The following PIGL variants were observed in gnomAD, a reference collection of about 807,000 sequenced individuals.
PIGL encodes the protein N-acetylglucosaminyl-phosphatidylinositol de-N-acetylase.
A neutral mutation model predicts 31.1 loss-of-function variants in PIGL; 22 were observed. That is an observed-to-expected ratio of 0.71 (90% CI 0.51 to 1.01). The LOEUF (loss-of-function observed/expected upper bound fraction) is 1.01. PIGL is among the 50% of genes least tolerant of loss of function. PIGL has a pLI of 0.00. For missense variants in PIGL, 302 were observed against 315.9 expected, an observed-to-expected ratio of 0.96 and a Z score of 0.33; for synonymous variants, 131 against 117.4, an observed-to-expected ratio of 1.12 and a Z score of -0.75.
chr17:16,290,819 C>T (rs2092957298), intron 2 of PIGL, among the ~76,000 whole-genome samples: 1 of 151,972 alleles, frequency 6.6e-6, no homozygotes. Flanking sequence ...TAGCTGGGAC[C>T]ACACACATGC....
At chr17:16,294,772 C>T (rs1304041877) in intron 2 of PIGL, among the ~76,000 whole-genome samples, 1 of 152,118 alleles carries the variant, frequency 6.6e-6, no homozygotes, top group African/African-American at 2.4e-5. Flanking sequence ...AGGGAAGAAC[C>T]AGGTATTTCC....
At position 16,320,935 on chromosome 17, in the gene PIGL, AT is replaced by A. The variant is rs34777606; in HGVS notation, c.660+3047del. On this transcript the variant is annotated intron_variant, in intron 6 of 6. Coordinates refer to ENST00000225609, the MANE Select transcript of PIGL (RefSeq NM_004278.4). The stretch of plus-strand genomic sequence containing the variant: ...CAGGCATGAGCCACTGTGCCTGGCC[AT>A]TTTTTTTTTTTTTTTTTTTGAGACA... 9.9e-3 allele frequency among the ~76,000 whole-genome samples: 892 copies of A among 89,990 alleles called. 11 individuals are homozygous for A. Among genetic ancestry groups the A allele is most frequent in the African/African-American group, 0.037 (775 of 20,856 alleles). The allele number at this position is 89,990 out of a possible 152,430, so 59.0% of individuals were successfully genotyped here.
intron 1 of PIGL, 136 bp downstream of exon 1, chr17:16,217,597 C>A: frequency 1.4e-6 from 1 of 695,552 alleles, no homozygotes; most frequent in South Asian, 1.9e-5. Context: ...CCTCTGAACC[C>A]CTCACAGCCT....
At chr17:16,319,378 G>T (rs2093093038) in intron 6 of PIGL, among the ~76,000 whole-genome samples, 2 of 152,062 alleles carry the variant, frequency 1.3e-5, no homozygotes, top group African/African-American at 4.8e-5. Flanking sequence ...ATTTTGATTT[G>T]CCACTTTATC....
At chr17:16,270,287 G>A (rs765116215) in intron 2 of PIGL, among the ~76,000 whole-genome samples, 5 of 22,366 alleles carry the variant, frequency 2.2e-4, no homozygotes, top group Non-Finnish European at 1.0e-3. Flanking sequence ...GAAACTCCAT[G>A]TCAAAAAAAA....
chr17:16,314,701 T>C (rs1219544135), intron 4 of PIGL, among the ~76,000 whole-genome samples: 1 of 152,210 alleles, frequency 6.6e-6, no homozygotes, highest in East Asian at 1.9e-4. Flanking sequence ...GCCACAGCTT[T>C]AGAAGAGACA....
chr17:16,299,252 C>T (rs1296194821), intron 2 of PIGL, among the ~76,000 whole-genome samples: 1 of 151,420 alleles, frequency 6.6e-6, no homozygotes, highest in Non-Finnish European at 1.5e-5. Context: ...GTCAGGAGTT[C>T]AAGACCAGGC....
At position 16,255,368 on chromosome 17, in the gene PIGL, A is replaced by G. The variant is rs1243677647; in HGVS notation, c.335+21298A>G. Among the ~76,000 whole-genome samples, 5 of 152,188 alleles carry G rather than the reference A, an allele frequency of 3.3e-5. No individual in the cohort carries two copies. The East Asian group carries it at 9.6e-4, about 29-fold the overall frequency. On this transcript the variant is annotated intron_variant, in intron 2 of 6. Transcript: ENST00000225609. The stretch of plus-strand genomic sequence containing the variant: ...GTCCTAAGGTTTCAGCACAATAAAA[A>G]TCTCGTTTCTCCCAGTGCTTGTCTT...
chr17:16,276,326 T>C (rs948860897), intron 2 of PIGL, among the ~76,000 whole-genome samples: 1 of 152,266 alleles, frequency 6.6e-6, no homozygotes, highest in African/African-American at 2.4e-5. Flanking sequence ...TCCAGATTTT[T>C]ACATTATCTA....
intron 6 of PIGL, among the ~76,000 whole-genome samples, chr17:16,323,393 C>G (rs987514829): frequency 2.6e-5 from 4 of 151,678 alleles, no homozygotes; most frequent in Non-Finnish European, 4.4e-5. Context: ...GCCACCACGC[C>G]TGGCTAATTT....
At chr17:16,295,465 G>C (rs551593579) in intron 2 of PIGL, among the ~76,000 whole-genome samples, 1 of 151,200 alleles carries the variant, frequency 6.6e-6, no homozygotes, top group Non-Finnish European at 1.5e-5. Flanking sequence ...AAAATGTAGA[G>C]ATTCCATACA....
chr17:16,241,445 G>A (rs1379551284), intron 2 of PIGL, among the ~76,000 whole-genome samples: 4 of 151,610 alleles, frequency 2.6e-5, no homozygotes, highest in East Asian at 2.0e-4. Context: ...AAAATTAGCC[G>A]TGTGTGGTGG....
At position 16,306,180 on chromosome 17, in the gene PIGL, A is replaced by G. The variant is rs531936738; in HGVS notation, c.426+6202A>G. ...TGGCCAGGCTGATCTTGAACTCCTG[A>G]CCTCGAGATCCACCCACCTTGGCCT... On this transcript the variant is annotated intron_variant, in intron 3 of 6. Coordinates refer to ENST00000225609, the MANE Select transcript of PIGL (RefSeq NM_004278.4). Among the ~76,000 whole-genome samples the G allele has an allele frequency of 2.0e-5, 3 of 151,764 alleles. No homozygotes were observed. In the East Asian group the frequency reaches 5.8e-4, roughly 30 times the overall value.
intron 2 of PIGL, among the ~76,000 whole-genome samples, chr17:16,282,425 A>G (rs1353342496): frequency 6.6e-6 from 1 of 152,070 alleles, no homozygotes; most frequent in Non-Finnish European, 1.5e-5. Flanking sequence ...TTTTTTCACC[A>G]GTCTAGTTAC....
chr17:16,222,887 C>T (rs1167534031), intron 1 of PIGL, among the ~76,000 whole-genome samples: 1 of 151,986 alleles, frequency 6.6e-6, no homozygotes. Flanking sequence ...TGGTGCATGC[C>T]TGTAATCCCA....
chr17:16,247,282 T>C (rs1025509374), intron 2 of PIGL, among the ~76,000 whole-genome samples: 1 of 152,164 alleles, frequency 6.6e-6, no homozygotes, highest in African/African-American at 2.4e-5. Context: ...CATCCCAGAC[T>C]CCCACATTCA....
At chr17:16,305,328 A>G (rs1479503122) in intron 3 of PIGL, among the ~76,000 whole-genome samples, 3 of 152,074 alleles carry the variant, frequency 2.0e-5, no homozygotes, top group Admixed American at 1.3e-4. Context: ...GAAGTTACCA[A>G]ATGACCCTGG....
At chr17:16,313,477 A>G in intron 3 of PIGL, 70 bp from the exon 4 acceptor site, 1 of 1,099,666 alleles carries the variant, frequency 9.1e-7, no homozygotes, top group Admixed American at 1.7e-5. Context: ...TTCCCAAGGG[A>G]AGGAGACAGC....
chr17:16,257,116 C>A (rs1220135277), intron 2 of PIGL, among the ~76,000 whole-genome samples: 2 of 151,722 alleles, frequency 1.3e-5, no homozygotes, highest in Admixed American at 6.6e-5. Context: ...AAATTAATGT[C>A]CTTAAAAAAC....
Sources: gnomAD v4.1 joint callset for allele counts (sites outside exome capture counted in the v4.1 genomes callset) on GRCh38, gnomAD v4.1.1 for gene constraint, MANE v1.5 for transcripts, NCBI Gene and HGNC (gene_info 2026-07-23, HGNC 2026-07-21) for gene names.